Variants in OTUD3 observed in about 807,000 individuals in gnomAD.
OTUD3 encodes the protein OTU deubiquitinase 3, also known as OTU domain-containing protein 3.
In OTUD3, 24 loss-of-function variants were observed where a neutral mutation model predicts 46.2. The ratio of observed to expected loss-of-function variants is 0.52; its 90% confidence interval spans 0.38 to 0.73. The LOEUF is 0.73. Among genes scored for constraint, OTUD3 ranks in the 30% least tolerant of loss-of-function variants. The probability of loss-of-function intolerance (pLI) is 0.00; values close to 1 mark genes in which losing one functional copy is unlikely to be tolerated. For synonymous variants in OTUD3, 189 were observed against 195.4 expected (o/e 0.97, Z 0.27); for missense variants, 455 against 523.3 (o/e 0.87, Z 1.27).
intron 1 of OTUD3, among the ~76,000 whole-genome samples, chr1:19,886,316 T>G (rs2045359507): frequency 6.6e-6 from 1 of 152,248 alleles, no homozygotes; most frequent in African/African-American, 2.4e-5. Flanking sequence ...ATTGAAACAT[T>G]GAAGAATCAC....
At chr1:19,894,164 T>C (rs2045486655) in intron 2 of OTUD3, among the ~76,000 whole-genome samples, 1 of 152,272 alleles carries the variant, frequency 6.6e-6, no homozygotes, top group Non-Finnish European at 1.5e-5. Context: ...AATGGATCTT[T>C]GCTTTATGAA....
intron 6 of OTUD3, among the ~76,000 whole-genome samples, chr1:19,905,767 CTTA>C (rs1269813643): frequency 4.6e-5 from 7 of 152,096 alleles, no homozygotes; most frequent in Non-Finnish European, 8.8e-5. Flanking sequence ...GATGTAACAT[CTTA>C]TTAATTTCTC....
Position 19,897,534 on chromosome 1 carries a change from C to T in OTUD3, c.484-6C>T. ...TCACTGGCATGGCCCCTTCTTTTGT[C>T]TACAGATTCGTGGTACAGAGAAAAG... On this transcript the variant is annotated splice_polypyrimidine_tract_variant and splice_region_variant and intron_variant, in intron 3 of 7. Coordinates refer to ENST00000375120, the MANE Select transcript of OTUD3 (RefSeq NM_015207.2). 3 of 1,613,776 alleles carry T rather than the reference C, an allele frequency of 1.9e-6. No individual in the cohort carries two copies. Among genetic ancestry groups the T allele is most frequent in the African/African-American group, 1.3e-5 (1 of 75,008 alleles).
intron 1 of OTUD3, among the ~76,000 whole-genome samples, chr1:19,886,714 A>T (rs1336499373): frequency 6.6e-6 from 1 of 152,248 alleles, no homozygotes; most frequent in South Asian, 2.1e-4. Context: ...TCAGTATGCA[A>T]CATAACCACC....
rs751120284 is a variant in OTUD3, at chr1:19,904,940, A to T, written c.788A>T (p.Glu263Val). 2 of 1,597,416 alleles carry T rather than the reference A, an allele frequency of 1.3e-6. No homozygotes were observed. The highest frequency in any genetic ancestry group is 2.2e-5 in the South Asian group (2 of 90,276). Residue 263 changes from glutamate to valine, a missense_variant, in exon 6 of 8, where the codon GAA becomes GTA. Glu to Val is a moderately radical substitution (Grantham distance 121). Coordinates refer to ENST00000375120, the MANE Select transcript of OTUD3 (RefSeq NM_015207.2). ...QNLEAENYNI[E>V]SAIIAVLRMN... is the part of the protein sequence containing the mutation. ...CTGGAAGCTGAAAATTATAATATTG[A>T]ATCTGCAATAATTGCCGTGCTTCGG...
At chr1:19,894,512 C>T in intron 3 of OTUD3, 32 bp downstream of exon 3, 7 of 1,267,334 alleles carry the variant, frequency 5.5e-6, no homozygotes, top group Non-Finnish European at 6.8e-6. Flanking sequence ...TTATCTTAAG[C>T]TCTTATTTCT....
intron 1 of OTUD3, among the ~76,000 whole-genome samples, chr1:19,888,702 T>A (rs1241667601): frequency 6.6e-6 from 1 of 152,178 alleles, no homozygotes; most frequent in Non-Finnish European, 1.5e-5. Context: ...ATAGGACCTA[T>A]CTCAGAGTTG....
rs1355140013 is a variant in OTUD3, at chr1:19,904,895, T to C, written c.743T>C (p.Phe248Ser). The change falls in exon 6 of 8, where the codon TTT (phenylalanine) becomes TCT (serine). Residue 248 changes from phenylalanine to serine, a missense_variant. By Grantham distance (155) the Phe-to-Ser change is radical. Transcript: ENST00000375120. ...KVCNATGCSDFNLIVQNLEAE... is the reference protein window; with the variant it reads ...KVCNATGCSDSNLIVQNLEAE... ...GTTTGTTTGTTTCTTGGATAGGATTTTAATTTAATAGTCCAGAACCTGGAA... is the reference window on the plus strand; with the variant it reads ...GTTTGTTTGTTTCTTGGATAGGATTCTAATTTAATAGTCCAGAACCTGGAA... 1 of 1,504,926 alleles carries C rather than the reference T, an allele frequency of 6.6e-7. No individual in the cohort carries two copies. Among genetic ancestry groups the C allele is most frequent in the Admixed American group, 1.8e-5 (1 of 54,602 alleles). 93.2% of individuals were successfully genotyped at this position (1,504,926 alleles called of 1,614,324 possible). A position where few individuals can be genotyped will look rare whatever the true frequency, so the allele number is the denominator to read the frequency against.
rs185298347 is a variant in OTUD3 at position 19,901,199 on chromosome 1, C to T, written c.607-3068C>T. ...TGCTGGGGTTACAGGCGTGAGCCAC[C>T]GTGCCCGGCCCTATTGAGTTTTTTA... On this transcript the variant is annotated intron_variant, in intron 4 of 7. Transcript: ENST00000375120. Among the ~76,000 whole-genome samples the T allele has an allele frequency of 5.6e-3, 853 of 152,178 alleles. 9 individuals are homozygous for T. The highest frequency in any genetic ancestry group is 0.02 in the African/African-American group (821 of 41,514).
At chr1:19,884,058 C>A (rs999274793) in intron 1 of OTUD3, among the ~76,000 whole-genome samples, 1 of 152,170 alleles carries the variant, frequency 6.6e-6, no homozygotes, top group South Asian at 2.1e-4. Flanking sequence ...GCAGTCAGTA[C>A]GTTTTTGCTG....
intron 7 of OTUD3, chr1:19,906,933 A>G: frequency 4.9e-6 from 1 of 204,050 alleles, no homozygotes; most frequent in Non-Finnish European, 9.9e-6. Context: ...AAATGCCATG[A>G]TCTGCAATGA....
At chr1:19,905,398 T>C (rs1275569026) in intron 6 of OTUD3, among the ~76,000 whole-genome samples, 2 of 149,998 alleles carry the variant, frequency 1.3e-5, no homozygotes, top group Non-Finnish European at 3.0e-5. Context: ...TAATTTTGAT[T>C]TTTTTTTTTT....
chr1:19,890,617 A>G, intron 2 of OTUD3, 84 bp downstream of exon 2: 1 of 1,243,572 alleles, frequency 8.0e-7, no homozygotes, highest in Non-Finnish European at 1.2e-6. Flanking sequence ...CCTCCCAGCC[A>G]AGGGTTTGGT....
chr1:19,900,705 A>G (rs2045574715), intron 4 of OTUD3, among the ~76,000 whole-genome samples: 1 of 152,048 alleles, frequency 6.6e-6, no homozygotes, highest in Non-Finnish European at 1.5e-5. Flanking sequence ...CTATTCCTAG[A>G]CATTTGGTTC....
At chr1:19,893,319 G>A (rs1252753793) in intron 2 of OTUD3, among the ~76,000 whole-genome samples, 1 of 152,130 alleles carries the variant, frequency 6.6e-6, no homozygotes, top group East Asian at 1.9e-4. Flanking sequence ...ACTGAAAGCT[G>A]TCATGCTAAC....
In OTUD3 at chr1:19,882,427, C is replaced by A. The variant is rs1187623958; in HGVS notation, c.-87C>A. On this transcript the variant is annotated 5_prime_UTR_variant, in exon 1 of 8. Coordinates refer to ENST00000375120, the MANE Select transcript of OTUD3 (RefSeq NM_015207.2). ...AGTCGTCGCCGGGCTCCGTTGCCCG[C>A]GCTGTTTTACCTTCCCAACGCTTGA... 2 of 1,300,286 alleles carry A rather than the reference C, an allele frequency of 1.5e-6. No homozygotes were observed. Among genetic ancestry groups the A allele is most frequent in the South Asian group, 2.3e-5 (1 of 43,162 alleles). 80.5% of individuals were successfully genotyped at this position (1,300,286 alleles called of 1,614,324 possible).
intron 4 of OTUD3, among the ~76,000 whole-genome samples, chr1:19,898,051 C>T (rs1030530874): frequency 3.3e-5 from 5 of 151,370 alleles, no homozygotes; most frequent in African/African-American, 4.9e-5. Flanking sequence ...CGGGTTCAAG[C>T]GATTCTCCTG....
At chr1:19,905,890 C>G (rs2045653689) in intron 6 of OTUD3, among the ~76,000 whole-genome samples, 1 of 152,202 alleles carries the variant, frequency 6.6e-6, no homozygotes, top group African/African-American at 2.4e-5. Flanking sequence ...TTATTATCCA[C>G]TATGTATTGG....
rs1445448055 is a variant in OTUD3 at position 19,908,689 on chromosome 1, A to G, written c.*943A>G. On this transcript the variant is annotated 3_prime_UTR_variant, in exon 8 of 8. Coordinates refer to ENST00000375120, the MANE Select transcript of OTUD3 (RefSeq NM_015207.2). ...TTTCATGTTCGCATTTTAAATAACG[A>G]TTTTCTTCCCTTCTGTTGTAGACTT... is the stretch of plus-strand genomic sequence containing the variant. 1 of 152,352 alleles carries G rather than the reference A, an allele frequency of 6.6e-6. No individual in the cohort carries two copies. Among genetic ancestry groups the G allele is most frequent in the Non-Finnish European group, 1.5e-5 (1 of 68,026 alleles). The allele number at this position is 152,352 out of a possible 1,614,324, so 9.4% of individuals were successfully genotyped here. A position where few individuals can be genotyped will look rare whatever the true frequency, so the allele number is the denominator to read the frequency against.
Sources: allele counts gnomAD v4.1 joint callset (sites outside exome capture counted in the v4.1 genomes callset), GRCh38; gene constraint gnomAD v4.1.1; transcripts MANE v1.5; gene names NCBI Gene and HGNC (gene_info 2026-07-23, HGNC 2026-07-21).